COLEC10: variants seen among roughly 807,000 people sequenced by gnomAD.
COLEC10 encodes the protein collectin subfamily member 10.
A neutral mutation model predicts 28.4 loss-of-function variants in COLEC10; 22 were observed. That is an observed-to-expected ratio of 0.78 (90% CI 0.55 to 1.11). The LOEUF is 1.11. COLEC10 is among the 50% of genes least tolerant of loss of function. COLEC10 has a pLI of 0.00. For missense variants in COLEC10, 361 were observed against 344.1 expected, an observed-to-expected ratio of 1.05 and a Z score of -0.39; for synonymous variants, 125 against 116.1, an observed-to-expected ratio of 1.08 and a Z score of -0.49.
At chr8:118,972,839 T>G in the COLEC10 span, among the ~76,000 whole-genome samples, 1 of 152,042 alleles carries the variant, frequency 6.6e-6, no homozygotes, top group African/African-American at 2.4e-5. Flanking sequence ...AGAGGCTTAA[T>G]TGACTCACAG....
At chr8:119,016,501 C>T (rs1813993911) in intron 2 of COLEC10, among the ~76,000 whole-genome samples, 1 of 152,030 alleles carries the variant, frequency 6.6e-6, no homozygotes, top group African/African-American at 2.4e-5. Context: ...GTGCATGTGT[C>T]TTTATAGTAC....
intron 2 of COLEC10, among the ~76,000 whole-genome samples, chr8:119,023,355 T>C (rs145466731): frequency 7.0e-4 from 107 of 152,288 alleles, no homozygotes; most frequent in African/African-American, 2.5e-3. Flanking sequence ...ATAATAAATG[T>C]ATGGTATCCC....
intron 3 of COLEC10, among the ~76,000 whole-genome samples, chr8:119,091,455 T>C (rs1334644582): frequency 6.6e-6 from 1 of 151,170 alleles, no homozygotes; most frequent in African/African-American, 2.4e-5. Context: ...CATAGGAGGC[T>C]GAGGTAGGAG....
chr8:118,980,939 C>T, the COLEC10 span, among the ~76,000 whole-genome samples: 49 of 151,492 alleles, frequency 3.2e-4, no homozygotes, highest in African/African-American at 1.1e-3. Flanking sequence ...AACTTTGTTA[C>T]TTCTTCATAT....
the COLEC10 span, among the ~76,000 whole-genome samples, chr8:118,972,334 G>C: frequency 1.3e-5 from 2 of 151,960 alleles, no homozygotes; most frequent in African/African-American, 4.8e-5. Flanking sequence ...GGCTCCGAGA[G>C]CTACTTCCAT....
the COLEC10 span, among the ~76,000 whole-genome samples, chr8:118,974,422 G>C: frequency 1.3e-5 from 2 of 151,936 alleles, no homozygotes; most frequent in Non-Finnish European, 1.5e-5. Flanking sequence ...CCAAAGTACT[G>C]TGCTCTTACC....
At chr8:119,048,939 T>C (rs528313729) in intron 2 of COLEC10, among the ~76,000 whole-genome samples, 122 of 152,290 alleles carry the variant, frequency 8.0e-4, no homozygotes, top group African/African-American at 2.8e-3. Flanking sequence ...TTGTGGGCTA[T>C]GGGTTTAAGT....
intron 1 of COLEC10, among the ~76,000 whole-genome samples, chr8:119,007,071 G>C (rs1045085522): frequency 6.6e-6 from 1 of 152,038 alleles, no homozygotes; most frequent in African/African-American, 2.4e-5. Flanking sequence ...AGGACTCAAA[G>C]ATGGCAAAAC....
the COLEC10 span, among the ~76,000 whole-genome samples, chr8:118,984,842 A>G: frequency 6.6e-5 from 10 of 152,286 alleles, no homozygotes; most frequent in Middle Eastern, 3.4e-3. Flanking sequence ...GAAGCCTCAT[A>G]ATCATGGCGG....
chr8:118,994,541 G>T (rs1316468284), upstream of COLEC10, among the ~76,000 whole-genome samples: 1 of 152,184 alleles, frequency 6.6e-6, no homozygotes, highest in Non-Finnish European at 1.5e-5. Context: ...GTGCAGTTAT[G>T]ATCACCATTG....
the COLEC10 span, among the ~76,000 whole-genome samples, chr8:118,988,248 T>A: frequency 1.3e-5 from 2 of 152,200 alleles, no homozygotes; most frequent in East Asian, 3.9e-4. Flanking sequence ...CAGATTCTCA[T>A]CATGAGGATC....
At chr8:119,025,215 G>T (rs552104871) in intron 2 of COLEC10, among the ~76,000 whole-genome samples, 2 of 152,154 alleles carry the variant, frequency 1.3e-5, no homozygotes, top group Non-Finnish European at 2.9e-5. Context: ...GGATACTGAA[G>T]AATCTGGCAA....
the COLEC10 span, among the ~76,000 whole-genome samples, chr8:118,958,093 C>A: frequency 0.045 from 6,851 of 152,172 alleles, 190 homozygotes; most frequent in African/African-American, 0.07. Context: ...AGGGAATAGC[C>A]CAGACTACAG....
intron 2 of COLEC10, among the ~76,000 whole-genome samples, chr8:119,034,643 A>C (rs1311266281): frequency 6.6e-6 from 1 of 152,196 alleles, no homozygotes; most frequent in Non-Finnish European, 1.5e-5. Flanking sequence ...CAGGAGGCGG[A>C]GGTTGCAGTG....
At chr8:119,102,154 G>A (rs1271433832) in intron 3 of COLEC10, among the ~76,000 whole-genome samples, 194 bp from the exon 4 acceptor site, 1 of 152,044 alleles carries the variant, frequency 6.6e-6, no homozygotes. Context: ...GATACTAGCT[G>A]TAGATATTGC....
chr8:118,984,253 G>A, the COLEC10 span, among the ~76,000 whole-genome samples: 16 of 152,160 alleles, frequency 1.1e-4, no homozygotes, highest in African/African-American at 3.6e-4. Context: ...AATACTATAT[G>A]TTCTTACGTA....
chr8:119,032,316 G>C (rs1814302670), intron 2 of COLEC10, among the ~76,000 whole-genome samples: 1 of 152,140 alleles, frequency 6.6e-6, no homozygotes, highest in South Asian at 2.1e-4. Flanking sequence ...CTATTCTACG[G>C]TTTTTGTGCA....
intron 2 of COLEC10, among the ~76,000 whole-genome samples, chr8:119,034,325 C>T (rs1453817699): frequency 6.7e-6 from 1 of 149,996 alleles, no homozygotes; most frequent in African/African-American, 2.5e-5. Context: ...ACCACCATGG[C>T]ACATGTATAC....
chr8:118,996,465 T>C (rs1404024136), intron 1 of COLEC10, among the ~76,000 whole-genome samples: 1 of 152,240 alleles, frequency 6.6e-6, no homozygotes, highest in African/African-American at 2.4e-5. Flanking sequence ...TACATCATTT[T>C]ACATTCTCAC....
Sources: allele counts gnomAD v4.1 joint callset (sites outside exome capture counted in the v4.1 genomes callset), GRCh38; gene constraint gnomAD v4.1.1; transcripts MANE v1.5; gene names NCBI Gene and HGNC (gene_info 2026-07-23, HGNC 2026-07-21).